HRH4: variants seen among roughly 807,000 people sequenced by gnomAD.
The protein encoded by HRH4 is histamine receptor H4, also known as histamine H4 receptor.
A neutral mutation model predicts 10.4 loss-of-function variants in HRH4; 12 were observed. The ratio of observed to expected loss-of-function variants is 1.15; its 90% CI spans 0.74 to 1.87. The LOEUF is 1.87. HRH4 is among the 40% of genes most tolerant of loss of function. The pLI, the probability that HRH4 is intolerant of heterozygous loss-of-function variation, is 0.00. For synonymous variants in HRH4, 154 were observed against 166.6 expected, an observed-to-expected ratio of 0.92 and a Z score of 0.58; for missense variants, 415 against 453.3, an observed-to-expected ratio of 0.92 and a Z score of 0.77.
At chr18:24,468,206 T>C (rs1909828636) in intron 1 of HRH4, among the ~76,000 whole-genome samples, 1 of 152,096 alleles carries the variant, frequency 6.6e-6, no homozygotes, top group Admixed American at 6.5e-5. Flanking sequence ...CTTTATTATT[T>C]ATTATTATTT....
rs1218936938 is a variant in HRH4, at chr18:24,478,371, T to G, written c.*809T>G. 6.6e-6 allele frequency: 1 copy of G among 152,232 alleles called. No individual in the cohort carries two copies. Among genetic ancestry groups the G allele is most frequent in the African/African-American group, 2.4e-5 (1 of 41,454 alleles). 9.4% of individuals were successfully genotyped at this position (152,232 alleles called of 1,614,324 possible). ...TAGACCTGGTATACAGTCACTGAAC[T>G]AGTAGATGTCAATAATTATTATTTT... On this transcript the variant is annotated 3_prime_UTR_variant, in exon 3 of 3. Transcript: ENST00000256906.
In HRH4 at chr18:24,477,333, G is replaced by A; in HGVS notation, c.944G>A (p.Cys315Tyr). ...ATTCTCTTAGGGGTTTTTGCTGTTT[G>A]CTGGGCTCCATATTCTCTGTTCACA... ...LAILLGVFAV[C>Y]WAPYSLFTIV... Residue 315 changes from cysteine to tyrosine, a missense_variant, in exon 3 of 3, where the codon TGC (cysteine) becomes TAC (tyrosine). By Grantham distance (194) the Cys-to-Tyr change is radical. Coordinates refer to ENST00000256906, the MANE Select transcript of HRH4 (RefSeq NM_021624.4). 2 of 1,614,102 alleles carry A rather than the reference G, an allele frequency of 1.2e-6. No individual in the cohort carries two copies. Among genetic ancestry groups the A allele is most frequent in the Non-Finnish European group, 1.7e-6 (2 of 1,179,966 alleles).
At chr18:24,465,288 A>AAAAC (rs959648239) in intron 1 of HRH4, among the ~76,000 whole-genome samples, 6 of 152,178 alleles carry the variant, frequency 3.9e-5, no homozygotes, top group South Asian at 2.1e-4. Context: ...ACTGCGTCAA[A>AAAAC]AAACAAACAA....
intron 2 of HRH4, among the ~76,000 whole-genome samples, chr18:24,474,556 C>T (rs1466237259): frequency 6.6e-6 from 1 of 151,864 alleles, no homozygotes; most frequent in Non-Finnish European, 1.5e-5. Flanking sequence ...TAAAATCTCA[C>T]AGAACAAATA....
At chr18:24,463,886 A>G (rs1385759723) in intron 1 of HRH4, among the ~76,000 whole-genome samples, 5 of 152,182 alleles carry the variant, frequency 3.3e-5, no homozygotes, top group South Asian at 2.1e-4. Flanking sequence ...CTATATCTAC[A>G]TCAATATCAA....
intron 2 of HRH4, among the ~76,000 whole-genome samples, chr18:24,476,463 A>G (rs2144384383): frequency 6.6e-6 from 1 of 152,332 alleles, no homozygotes; most frequent in East Asian, 1.9e-4. Flanking sequence ...TCAATTAGGA[A>G]AAACTGCTTT....
At position 24,468,959 on chromosome 18, in the gene HRH4, G is replaced by A. The variant is rs757484377; in HGVS notation, c.357+8G>A. On this transcript the variant is annotated splice_region_variant and intron_variant, in intron 2 of 2. Transcript: ENST00000256906. The stretch of plus-strand genomic sequence containing the variant: ...CTGTCAGTCTCAAATGCTGTAAGTC[G>A]AAACATTAATTTATCCCCCTTAGAA... 3.0e-5 allele frequency: 48 copies of A among 1,582,954 alleles called. No homozygotes were observed. The highest frequency in any genetic ancestry group is 1.8e-4 in the East Asian group (8 of 43,334).
rs111394205 is a variant in HRH4 at position 24,462,830 on chromosome 18, T to A, written c.193+1909T>A. Among the ~76,000 whole-genome samples, 523 of 152,292 alleles carry A rather than the reference T, an allele frequency of 3.4e-3. 4 individuals are homozygous for A. The highest frequency in any genetic ancestry group is 0.011 in the African/African-American group (464 of 41,546). ...AACATTTGCTGCTTGATGTAGATCC[T>A]TCCACATCATTCTCTGTGCTCCCAT... On this transcript the variant is annotated intron_variant, in intron 1 of 2. Coordinates refer to ENST00000256906, the MANE Select transcript of HRH4 (RefSeq NM_021624.4).
intron 2 of HRH4, among the ~76,000 whole-genome samples, chr18:24,476,278 A>G (rs1356273364): frequency 6.6e-6 from 1 of 152,208 alleles, no homozygotes; most frequent in Non-Finnish European, 1.5e-5. Context: ...TCCCAAAGAC[A>G]TATTGCTTTA....
At chr18:24,465,385 G>A (rs566746837) in intron 1 of HRH4, among the ~76,000 whole-genome samples, 2 of 152,128 alleles carry the variant, frequency 1.3e-5, no homozygotes, top group Admixed American at 1.3e-4. Flanking sequence ...AGGTGCGCAG[G>A]ATCTGAGGCA....
At chr18:24,466,802 A>G (rs904463660) in intron 1 of HRH4, among the ~76,000 whole-genome samples, 1 of 152,252 alleles carries the variant, frequency 6.6e-6, no homozygotes, top group African/African-American at 2.4e-5. Context: ...AAGTAACTCA[A>G]CAAAGTAAGA....
In HRH4 at chr18:24,471,606, C is replaced by CAAAA. The variant is rs60730879; in HGVS notation, c.357+2679_357+2682dup. ...TGGGTGTCGCAGCAAGACTCCATCT[C>CAAAA]AAAAAAAAAAAAAAAAAAAAAAAAA... is the stretch of plus-strand genomic sequence containing the variant. On this transcript the variant is annotated intron_variant, in intron 2 of 2. Transcript: ENST00000256906. Among the ~76,000 whole-genome samples, 13 of 51,398 alleles carry CAAAA rather than the reference C, an allele frequency of 2.5e-4. 1 individual carries two copies. Among genetic ancestry groups the CAAAA allele is most frequent in the African/African-American group, 1.0e-3 (11 of 10,888 alleles). 33.7% of individuals were successfully genotyped at this position (51,398 alleles called of 152,430 possible).
chr18:24,461,964 A>C (rs1909652499), intron 1 of HRH4, among the ~76,000 whole-genome samples: 1 of 152,180 alleles, frequency 6.6e-6, no homozygotes, highest in Non-Finnish European at 1.5e-5. Context: ...TTCAGAAATG[A>C]CTATAGCAGT....
At chr18:24,466,287 A>ATTTTTT (rs398032181) in intron 1 of HRH4, among the ~76,000 whole-genome samples, 5 of 129,186 alleles carry the variant, frequency 3.9e-5, no homozygotes, top group Admixed American at 8.2e-5. Flanking sequence ...TAATTTTTGT[A>ATTTTTT]TTTTTTTTTT....
intron 2 of HRH4, among the ~76,000 whole-genome samples, chr18:24,469,819 T>C (rs75459526): frequency 0.014 from 2,100 of 152,284 alleles, 54 homozygotes; most frequent in African/African-American, 0.049. Context: ...ATGAGTAAGC[T>C]GCGTGTCGCG....
intron 1 of HRH4, among the ~76,000 whole-genome samples, chr18:24,463,385 T>A (rs1909690827): frequency 6.6e-6 from 1 of 152,214 alleles, no homozygotes; most frequent in African/African-American, 2.4e-5. Flanking sequence ...GTCTGCATAT[T>A]TAATGCAGGG....
Position 24,477,526 on chromosome 18 carries a change from T to C in HRH4, c.1137T>C (p.Pro379=), listed in dbSNP as rs1225707021. ...FLKIFCIKKQ[P]LPSQHSRSVS... Reference sequence around the variant, plus strand: ...AAATATTTTGTATAAAAAAGCAACCTCTACCATCACAACACAGTCGGTCAG... The same window carrying C: ...AAATATTTTGTATAAAAAAGCAACCCCTACCATCACAACACAGTCGGTCAG... Residue 379 remains proline, a synonymous_variant, in exon 3 of 3, where the codon CCT becomes CCC. Coordinates refer to ENST00000256906, the MANE Select transcript of HRH4 (RefSeq NM_021624.4). The C allele has an allele frequency of 6.2e-7, 1 of 1,602,672 alleles. No homozygotes were observed. The highest frequency in any genetic ancestry group is 8.5e-7 in the Non-Finnish European group (1 of 1,174,498).
intron 2 of HRH4, among the ~76,000 whole-genome samples, chr18:24,476,506 T>G (rs1307018335): frequency 6.6e-6 from 1 of 152,220 alleles, no homozygotes; most frequent in Non-Finnish European, 1.5e-5. Flanking sequence ...ACATTTTCTA[T>G]AGTATTCAGG....
At chr18:24,472,115 G>C (rs926953274) in intron 2 of HRH4, among the ~76,000 whole-genome samples, 3 of 151,892 alleles carry the variant, frequency 2.0e-5, no homozygotes, top group Admixed American at 1.3e-4. Flanking sequence ...ACATGATCTC[G>C]GCTCACTGCA....
Sources: gnomAD v4.1 joint callset for allele counts (sites outside exome capture counted in the v4.1 genomes callset) on GRCh38, gnomAD v4.1.1 for gene constraint, MANE v1.5 for transcripts, NCBI Gene and HGNC (gene_info 2026-07-23, HGNC 2026-07-21) for gene names.